VPS13A: variants seen among roughly 807,000 people sequenced by gnomAD.
VPS13A encodes the protein intermembrane lipid transfer protein VPS13A.
VPS13A carries 264 observed loss-of-function variants against 390.9 expected under a neutral mutation model. That is an observed-to-expected ratio of 0.68 (90% CI 0.61 to 0.75). The LOEUF (loss-of-function observed/expected upper bound fraction) is 0.75, where lower values mean the gene tolerates loss of function less well. VPS13A is among the 30% of genes least tolerant of loss of function. The probability of loss-of-function intolerance (pLI) is 0.00; values close to 1 mark genes in which losing one functional copy is unlikely to be tolerated. For synonymous variants in VPS13A, 1,231 were observed against 1,227.1 expected (o/e 1.00, Z -0.07); for missense variants, 3,409 against 3,733.9 (o/e 0.91, Z 2.27).
At chr9:77,239,351 G>C (rs550770324) in intron 19 of VPS13A, among the ~76,000 whole-genome samples, 3 of 151,238 alleles carry the variant, frequency 2.0e-5, no homozygotes, top group Non-Finnish European at 4.4e-5. Flanking sequence ...CCAGCCTGGC[G>C]ACAGAGCAAC....
chr9:77,254,894 T>C (rs558253871), intron 22 of VPS13A, among the ~76,000 whole-genome samples: 68 of 152,336 alleles, frequency 4.5e-4, no homozygotes, highest in African/African-American at 1.3e-3. Flanking sequence ...TCTAAAGTTC[T>C]AACAGATTTA....
In VPS13A at chr9:77,325,407, T is replaced by TTG. The variant is rs538889630; in HGVS notation, c.5991+2181_5991+2182insGT. ...CACCATGTAGTTAGACCTTGTTTTT[T>TTG]TTTTTTTTTTTTAACATAATCTGAA... On this transcript the variant is annotated intron_variant, in intron 45 of 71. Coordinates refer to ENST00000360280, the MANE Select transcript of VPS13A (RefSeq NM_033305.3). 4.2e-3 allele frequency among the ~76,000 whole-genome samples: 639 copies of TTG among 151,786 alleles called. 3 individuals carry two copies. The highest frequency in any genetic ancestry group is 0.01 in the South Asian group (49 of 4,820).
chr9:77,196,431 T>TC (rs1423467903), intron 1 of VPS13A, among the ~76,000 whole-genome samples: 1 of 152,176 alleles, frequency 6.6e-6, no homozygotes, highest in Non-Finnish European at 1.5e-5. Context: ...AACTTATTCT[T>TC]CCCATCTTAC....
chr9:77,412,321 T>A (rs867074763), intron 71 of VPS13A, among the ~76,000 whole-genome samples: 1 of 152,194 alleles, frequency 6.6e-6, no homozygotes, highest in Admixed American at 6.5e-5. Context: ...ATATCCCTGA[T>A]GAACATTGAT....
chr9:77,284,803 C>T (rs925280336), intron 31 of VPS13A, among the ~76,000 whole-genome samples: 1 of 151,786 alleles, frequency 6.6e-6, no homozygotes, highest in Non-Finnish European at 1.5e-5. Flanking sequence ...TCCTGGGTTT[C>T]AGTGATTCTC....
intron 50 of VPS13A, among the ~76,000 whole-genome samples, chr9:77,343,564 G>C (rs7858264): frequency 0.98 from 148,996 of 152,328 alleles, 72,889 homozygotes; most frequent in East Asian, 1. Flanking sequence ...AGTCTTCTCT[G>C]TAGTACCTTG....
rs551035117 is a variant in VPS13A, at chr9:77,336,117, A to G, written c.6096-1138A>G. ...CTAGCACAGGAACAAAAAACCAAAC[A>G]CCGCATGTTCTCACTCATAAGTGGG... On this transcript the variant is annotated intron_variant, in intron 46 of 71. Coordinates refer to ENST00000360280, the MANE Select transcript of VPS13A (RefSeq NM_033305.3). 6.6e-5 allele frequency among the ~76,000 whole-genome samples: 10 copies of G among 152,188 alleles called. No homozygotes were observed. In the East Asian group the frequency reaches 1.9e-3, roughly 29 times the overall value.
At chr9:77,314,788 C>T in intron 37 of VPS13A, 124 bp downstream of exon 37, 1 of 904,336 alleles carries the variant, frequency 1.1e-6, no homozygotes, top group Non-Finnish European at 1.8e-6. Context: ...AGCTTCAATT[C>T]AGTCAGCTCG....
intron 52 of VPS13A, among the ~76,000 whole-genome samples, chr9:77,348,641 T>G (rs138529968): frequency 0.016 from 2,371 of 151,852 alleles, 23 homozygotes; most frequent in Non-Finnish European, 0.026. Context: ...AAAAGAAAAA[T>G]GCCATTCTAT....
intron 67 of VPS13A, among the ~76,000 whole-genome samples, chr9:77,373,159 A>G (rs939491158): frequency 2.6e-5 from 4 of 151,570 alleles, no homozygotes; most frequent in African/African-American, 9.7e-5. Flanking sequence ...TGGAACCAAA[A>G]AAGAGCCCGC....
rs144135524 is a variant in VPS13A at position 77,243,480 on chromosome 9, G to A, written c.1901-3779G>A. 2.5e-3 allele frequency among the ~76,000 whole-genome samples: 385 copies of A among 152,190 alleles called. 1 individual carries two copies. Among genetic ancestry groups the A allele is most frequent in the Non-Finnish European group, 4.4e-3 (301 of 68,006 alleles). On this transcript the variant is annotated intron_variant, in intron 19 of 71. Transcript: ENST00000360280. ...TTTCTAAGAACTCAAGGTCTTTCAG[G>A]TCTTTTTGTTGTCAACTATGGCATG...
chr9:77,198,263 A>G (rs1825117945), intron 1 of VPS13A, among the ~76,000 whole-genome samples: 1 of 152,176 alleles, frequency 6.6e-6, no homozygotes, highest in Admixed American at 6.5e-5. Context: ...TGTTTCCTCC[A>G]GAACCATCTG....
At chr9:77,300,972 A>G (rs1828311527) in intron 33 of VPS13A, among the ~76,000 whole-genome samples, 1 of 152,264 alleles carries the variant, frequency 6.6e-6, no homozygotes, top group African/African-American at 2.4e-5. Flanking sequence ...TTAAAAATAT[A>G]GAGGACATAA....
intron 1 of VPS13A, among the ~76,000 whole-genome samples, chr9:77,193,711 C>T (rs1312053177): frequency 1.3e-5 from 2 of 152,178 alleles, no homozygotes; most frequent in Non-Finnish European, 2.9e-5. Flanking sequence ...GACACTCAGG[C>T]TTATAGAGTT....
intron 68 of VPS13A, among the ~76,000 whole-genome samples, chr9:77,392,568 C>T (rs1425682128): frequency 6.6e-6 from 1 of 151,990 alleles, no homozygotes; most frequent in East Asian, 1.9e-4. Flanking sequence ...AGCCATACCT[C>T]AGAGATACTG....
intron 3 of VPS13A, among the ~76,000 whole-genome samples, chr9:77,203,595 G>A (rs767875412): frequency 6.6e-6 from 1 of 151,984 alleles, no homozygotes; most frequent in Non-Finnish European, 1.5e-5. Context: ...GTCAAGTTTG[G>A]ATTTTTTAAA....
At chr9:77,260,320 A>T in intron 23 of VPS13A, 96 bp downstream of exon 23, 2 of 1,343,490 alleles carry the variant, frequency 1.5e-6, no homozygotes, top group Non-Finnish European at 2.1e-6. Flanking sequence ...GACAATTTGC[A>T]ATTTGTTTTG....
chr9:77,293,416 T>C lies in VPS13A; in HGVS notation c.3415T>C (p.Tyr1139His), dbSNP rs1228921875. 6.2e-7 allele frequency: 1 copy of C among 1,612,890 alleles called. No homozygotes were observed. The highest frequency in any genetic ancestry group is 1.1e-5 in the South Asian group (1 of 90,814). ...CATGGATGCAACTGCTGGTTCTGCATACACAGATATGAATGTGGTTGACAT... is the reference window on the plus strand; with the variant it reads ...CATGGATGCAACTGCTGGTTCTGCACACACAGATATGAATGTGGTTGACAT... ...SYMDATAGSA[Y>H]TDMNVVDIQV... The change falls in exon 32 of 72, where the codon TAC (tyrosine) becomes CAC (histidine). Residue 1139 changes from tyrosine to histidine, a missense_variant. Physicochemically the swap from Tyr to His is moderately conservative, Grantham distance 83 (BLOSUM62 2). Transcript: ENST00000360280.
chr9:77,297,857 A>G (rs1224868683), intron 33 of VPS13A, among the ~76,000 whole-genome samples: 2 of 152,172 alleles, frequency 1.3e-5, no homozygotes, highest in Non-Finnish European at 2.9e-5. Flanking sequence ...AAATTAGGTC[A>G]AAAGGAGACA....
Sources: gnomAD v4.1 joint callset for allele counts (sites outside exome capture counted in the v4.1 genomes callset) on GRCh38, gnomAD v4.1.1 for gene constraint, MANE v1.5 for transcripts, NCBI Gene and HGNC (gene_info 2026-07-23, HGNC 2026-07-21) for gene names.